NINJ2: variants seen among roughly 807,000 people sequenced by gnomAD.
The protein encoded by NINJ2 is ninjurin-2.
In NINJ2, 12 loss-of-function variants were observed where a neutral mutation model predicts 11.7. The observed-to-expected ratio is 1.02, with a 90% CI of 0.66 to 1.66. The LOEUF (loss-of-function observed/expected upper bound fraction) is 1.66. Ranked by LOEUF, NINJ2 falls within the 40% of genes most tolerant of loss-of-function variation. NINJ2 has a pLI of 0.00. For synonymous variants in NINJ2, 93 were observed against 76.8 expected, an observed-to-expected ratio of 1.21 and a Z score of -1.10; for missense variants, 187 against 181.8, an observed-to-expected ratio of 1.03 and a Z score of -0.16.
Position 618,199 on chromosome 12 carries a change from A to AGAGTTGGTAATGAGGAGGTGGGGGTGAG in NINJ2, c.33+45101_33+45128dup, listed in dbSNP as rs71045086. On this transcript the variant is annotated intron_variant, in intron 1 of 3. Coordinates refer to ENST00000305108, the MANE Select transcript of NINJ2 (RefSeq NM_016533.6). Reference sequence around the variant, plus strand: ...CAGTATGTGGTTAAAAGTCCCGTGGAGAGTTGGTAATGAGGAGGTGGGGGT... The same window carrying AGAGTTGGTAATGAGGAGGTGGGGGTGAG: ...CAGTATGTGGTTAAAAGTCCCGTGGAGAGTTGGTAATGAGGAGGTGGGGGTGAGGAGTTGGTAATGAGGAGGTGGGGGT... Among the ~76,000 whole-genome samples the AGAGTTGGTAATGAGGAGGTGGGGGTGAG allele has an allele frequency of 3.3e-4, 31 of 94,304 alleles. 4 individuals are homozygous for AGAGTTGGTAATGAGGAGGTGGGGGTGAG. Among genetic ancestry groups the AGAGTTGGTAATGAGGAGGTGGGGGTGAG allele is most frequent in the East Asian group, 6.9e-4 (2 of 2,886 alleles). The allele number at this position is 94,304 out of a possible 152,430, so 61.9% of individuals were successfully genotyped here. A position where few individuals can be genotyped will look rare whatever the true frequency, so the allele number is the denominator to read the frequency against.
At chr12:599,568 G>A (rs974452584) in intron 1 of NINJ2, among the ~76,000 whole-genome samples, 1 of 152,144 alleles carries the variant, frequency 6.6e-6, no homozygotes, top group Non-Finnish European at 1.5e-5. Context: ...TCCTACAAGG[G>A]GGTATTATCC....
chr12:588,877 G>C (rs11063757), intron 1 of NINJ2, among the ~76,000 whole-genome samples: 8,801 of 152,300 alleles, frequency 0.058, 258 homozygotes, highest in African/African-American at 0.066. Flanking sequence ...CAGTGTTGGT[G>C]AAGACATGGC....
intron 1 of NINJ2, among the ~76,000 whole-genome samples, chr12:584,618 CA>C (rs1947606965): frequency 1.3e-5 from 2 of 151,722 alleles, no homozygotes; most frequent in African/African-American, 4.8e-5. Context: ...TCAGCCTGGC[CA>C]ACATAGTGAA....
In NINJ2 at chr12:585,303, G is replaced by A. The variant is rs1485322784; in HGVS notation, c.34-19125C>T. Among the ~76,000 whole-genome samples the A allele has an allele frequency of 1.3e-5, 2 of 152,188 alleles. No individual in the cohort carries two copies. The highest frequency in any genetic ancestry group is 3.8e-4 in the East Asian group (2 of 5,202). On this transcript the variant is annotated intron_variant, in intron 1 of 3. Coordinates refer to ENST00000305108, the MANE Select transcript of NINJ2 (RefSeq NM_016533.6). This position sits in a 1 kb window ranked among gnomAD's most constrained non-coding sequence, Gnocchi z 4.1. ...CTCTTAACCCTTAGCGTGAGCAGATGGTAGAACTGCCCATGCCAAGAGGGG... is the reference window on the plus strand; with the variant it reads ...CTCTTAACCCTTAGCGTGAGCAGATAGTAGAACTGCCCATGCCAAGAGGGG...
chr12:649,003 T>TATCTATCC (rs1330792949), intron 1 of NINJ2, among the ~76,000 whole-genome samples: 2 of 151,830 alleles, frequency 1.3e-5, no homozygotes, highest in Admixed American at 1.3e-4. Flanking sequence ...TCTGTCTATC[T>TATCTATCC]ATCTATCTAT....
At chr12:635,628 C>G (rs966986998) in intron 1 of NINJ2, among the ~76,000 whole-genome samples, 1 of 152,204 alleles carries the variant, frequency 6.6e-6, no homozygotes, top group Non-Finnish European at 1.5e-5. Context: ...CTGTAAAACT[C>G]TTACAAGAAA....
In NINJ2 at chr12:585,497, GGGAAGGGAACGGTTGGAGGGA is replaced by G; in HGVS notation, c.34-19340_34-19320del. 4.7e-5 allele frequency among the ~76,000 whole-genome samples: 1 copy of G among 21,150 alleles called. No homozygotes were observed. The highest frequency in any genetic ancestry group is 1.2e-4 in the Non-Finnish European group (1 of 8,564). The allele number at this position is 21,150 out of a possible 152,430, so 13.9% of individuals were successfully genotyped here. The stretch of plus-strand genomic sequence containing the variant: ...GGAGGAAGGGAACGGTTGGAGGGAA[GGGAAGGGAACGGTTGGAGGGA>G]AGGGAAGGGAACGGTTGGAGGGAAG... On this transcript the variant is annotated intron_variant, in intron 1 of 3. Coordinates refer to ENST00000305108, the MANE Select transcript of NINJ2 (RefSeq NM_016533.6). This position sits in a 1 kb window ranked among gnomAD's most constrained non-coding sequence, Gnocchi z 4.1.
chr12:662,690 C>A (rs569283038), intron 1 of NINJ2, among the ~76,000 whole-genome samples: 1 of 152,266 alleles, frequency 6.6e-6, no homozygotes, highest in Admixed American at 6.5e-5. Context: ...CTCCTCTCAC[C>A]GTAACATCCC....
chr12:619,695 T>G (rs1035342808), intron 1 of NINJ2, among the ~76,000 whole-genome samples: 10 of 152,180 alleles, frequency 6.6e-5, no homozygotes, highest in Non-Finnish European at 8.8e-5. Context: ...GGGTTTAGAA[T>G]GATTCCTTGG....
At chr12:631,140 T>C (rs1948275908) in intron 1 of NINJ2, among the ~76,000 whole-genome samples, 1 of 152,042 alleles carries the variant, frequency 6.6e-6, no homozygotes, top group Admixed American at 6.5e-5. Flanking sequence ...TGCCAGGCAC[T>C]GAGCACTGTG....
At chr12:638,619 G>T (rs1948382242) in intron 1 of NINJ2, among the ~76,000 whole-genome samples, 1 of 152,216 alleles carries the variant, frequency 6.6e-6, no homozygotes, top group Non-Finnish European at 1.5e-5. Flanking sequence ...GTTTCACCGT[G>T]TTAGCCATGA....
intron 1 of NINJ2, among the ~76,000 whole-genome samples, chr12:577,728 T>A (rs895669481): frequency 2.0e-5 from 3 of 150,254 alleles, no homozygotes; most frequent in African/African-American, 4.9e-5. Flanking sequence ...GAAAAATTTT[T>A]AAATTTTTGT....
rs1948064490 is a variant in NINJ2 at position 614,047 on chromosome 12, A to G, written c.34-47869T>C. ...TTTCTTTCCAGGTGCTATTCATTTA[A>G]GCCCTTCCAGAAGCCACAGGCATGT... On this transcript the variant is annotated intron_variant, in intron 1 of 3. Transcript: ENST00000305108. This position sits in a 1 kb window ranked among gnomAD's most constrained non-coding sequence, Gnocchi z 5.1. Among the ~76,000 whole-genome samples the G allele has an allele frequency of 6.6e-6, 1 of 152,178 alleles. No individual in the cohort carries two copies. The highest frequency in any genetic ancestry group is 1.5e-5 in the Non-Finnish European group (1 of 68,034).
At chr12:649,948 C>G (rs1483726891) in intron 1 of NINJ2, among the ~76,000 whole-genome samples, 1 of 152,074 alleles carries the variant, frequency 6.6e-6, no homozygotes, top group Non-Finnish European at 1.5e-5. Context: ...ACAGATATAT[C>G]AAACTTTAAC....
rs534434533 is a variant in NINJ2, at chr12:615,207, T to C, written c.33+48121A>G. On this transcript the variant is annotated intron_variant, in intron 1 of 3. Coordinates refer to ENST00000305108, the MANE Select transcript of NINJ2 (RefSeq NM_016533.6). The stretch of plus-strand genomic sequence containing the variant: ...TACATCCAAATCTCAGCAATCAGGG[T>C]GCTAAATGAGAACACCTTATATTTA... 8.5e-5 allele frequency among the ~76,000 whole-genome samples: 13 copies of C among 152,312 alleles called. No homozygotes were observed. In the East Asian group the frequency reaches 2.5e-3, roughly 29 times the overall value.
rs1565643116 is a variant in NINJ2, at chr12:633,840, CACTGTCTGCTAAATCAAGT to C, written c.33+29469_33+29487del. On this transcript the variant is annotated intron_variant, in intron 1 of 3. Coordinates refer to ENST00000305108, the MANE Select transcript of NINJ2 (RefSeq NM_016533.6). The surrounding 1 kb of genome is among the most constrained non-coding windows in gnomAD (Gnocchi z 4.3). ...AAAAACAAACCACTTTAGAGTTTTC[CACTGTCTGCTAAATCAAGT>C]ACACATTCCTTTGCCTGGTTATTTA... 6.6e-6 allele frequency among the ~76,000 whole-genome samples: 1 copy of C among 152,224 alleles called. No homozygotes were observed. Among genetic ancestry groups the C allele is most frequent in the Admixed American group, 6.5e-5 (1 of 15,272 alleles).
At chr12:642,714 G>C (rs1262505208) in intron 1 of NINJ2, 1 of 152,564 alleles carries the variant, frequency 6.6e-6, no homozygotes, top group Non-Finnish European at 1.5e-5. Flanking sequence ...AAGGAGCTGC[G>C]GGGCTAGTTC....
chr12:629,896 A>AAAAATATATAT, intron 1 of NINJ2, among the ~76,000 whole-genome samples: 5 of 9,892 alleles, frequency 5.1e-4, no homozygotes, highest in African/African-American at 7.3e-4. Flanking sequence ...AAAAAAAAAA[A>AAAAATATATAT]ATATATATAT....
In NINJ2 at chr12:585,421, AC is replaced by A. The variant is rs1304543278; in HGVS notation, c.34-19244del. On this transcript the variant is annotated intron_variant, in intron 1 of 3. Coordinates refer to ENST00000305108, the MANE Select transcript of NINJ2 (RefSeq NM_016533.6). The surrounding 1 kb of genome is among the most constrained non-coding windows in gnomAD (Gnocchi z 4.1). Reference sequence around the variant, plus strand: ...CCAGGAAGCCCCACGATTCAACAGCACCACCCAGGATTTCAGTGTCAGTCCT... The same window carrying A: ...CCAGGAAGCCCCACGATTCAACAGCACACCCAGGATTTCAGTGTCAGTCCT... Among the ~76,000 whole-genome samples the A allele has an allele frequency of 2.0e-5, 3 of 152,132 alleles. No individual in the cohort carries two copies. Among genetic ancestry groups the A allele is most frequent in the Non-Finnish European group, 4.4e-5 (3 of 68,028 alleles).
Sources: gnomAD v4.1 joint callset for allele counts (sites outside exome capture counted in the v4.1 genomes callset) on GRCh38, gnomAD v4.1.1 for gene constraint, Gnocchi (gnomAD v3.1) non-coding constraint, MANE v1.5 for transcripts, NCBI Gene and HGNC (gene_info 2026-07-23, HGNC 2026-07-21) for gene names.